The following TBC1D22A variants were observed in gnomAD, a reference collection of about 807,000 sequenced individuals.
TBC1D22A encodes the protein TBC1 domain family member 22A.
In TBC1D22A, 38 loss-of-function variants were observed where a neutral mutation model predicts 60.2. The ratio of observed to expected loss-of-function variants is 0.63; its 90% CI spans 0.49 to 0.83. TBC1D22A has a LOEUF of 0.83. Ranked by LOEUF, TBC1D22A falls within the 40% of genes least tolerant of loss-of-function variation. The pLI is 0.00. For synonymous variants in TBC1D22A, 302 were observed against 281.7 expected, an observed-to-expected ratio of 1.07 and a Z score of -0.72; for missense variants, 628 against 701.0, an observed-to-expected ratio of 0.90 and a Z score of 1.18.
intron 11 of TBC1D22A, among the ~76,000 whole-genome samples, chr22:47,040,315 G>A (rs953195093): frequency 6.6e-6 from 1 of 152,076 alleles, no homozygotes; most frequent in Admixed American, 6.5e-5. Flanking sequence ...CGTGGAGAAG[G>A]GTGGTGGTAA....
intron 7 of TBC1D22A, among the ~76,000 whole-genome samples, chr22:46,898,311 A>G (rs1269773590): frequency 3.3e-5 from 5 of 152,118 alleles, no homozygotes; most frequent in South Asian, 2.1e-4. Context: ...TCCCCTGTCA[A>G]TTGAGAAAAA....
At chr22:46,909,355 G>GC (rs1024883591) in intron 7 of TBC1D22A, among the ~76,000 whole-genome samples, 4 of 152,116 alleles carry the variant, frequency 2.6e-5, no homozygotes, top group South Asian at 2.1e-4. Flanking sequence ...CAGTGCGACT[G>GC]CCCCCTGCTC....
chr22:47,114,906 T>G (rs903131328), intron 12 of TBC1D22A, among the ~76,000 whole-genome samples: 5 of 151,956 alleles, frequency 3.3e-5, no homozygotes, highest in African/African-American at 1.2e-4. Flanking sequence ...GCGGGGAAGG[T>G]GAGGGCGCTG....
chr22:46,949,115 A>G (rs186487972), intron 8 of TBC1D22A, among the ~76,000 whole-genome samples: 27 of 152,302 alleles, frequency 1.8e-4, no homozygotes, highest in Non-Finnish European at 4.4e-5. Flanking sequence ...TGGGCTCCTA[A>G]AAGAGTCTTT....
chr22:46,977,645 A>G (rs2074354306), intron 9 of TBC1D22A, among the ~76,000 whole-genome samples: 1 of 152,136 alleles, frequency 6.6e-6, no homozygotes, highest in South Asian at 2.1e-4. Flanking sequence ...ATTTATAGAG[A>G]AAGAGGTTTA....
intron 8 of TBC1D22A, among the ~76,000 whole-genome samples, chr22:46,939,338 C>T (rs890375227): frequency 6.6e-6 from 1 of 152,162 alleles, no homozygotes; most frequent in Non-Finnish European, 1.5e-5. Context: ...CAAGCATCAA[C>T]GAGTGAATAG....
rs370693009 is a variant in TBC1D22A, at chr22:47,003,654, C to T, written c.1201+5945C>T. 2.4e-4 allele frequency among the ~76,000 whole-genome samples: 31 copies of T among 130,040 alleles called. No homozygotes were observed. The South Asian group carries it at 8.1e-3, about 34-fold the overall frequency. The allele number at this position is 130,040 out of a possible 152,430, so 85.3% of individuals were successfully genotyped here. ...ATATACACACACCTACAGATGCACC[C>T]CTGTATACACACACACCCCTACACA... On this transcript the variant is annotated intron_variant, in intron 10 of 12. Coordinates refer to ENST00000337137, the MANE Select transcript of TBC1D22A (RefSeq NM_014346.5).
At position 46,838,140 on chromosome 22, in the gene TBC1D22A, T is replaced by G. The variant is rs536080320; in HGVS notation, c.638-40513T>G. Among the ~76,000 whole-genome samples the G allele has an allele frequency of 2.0e-4, 31 of 152,282 alleles. No homozygotes were observed. In the East Asian group the frequency reaches 6.0e-3, roughly 29 times the overall value. ...AAAGAAGAACAAACGAAGTTCAAAG[T>G]TAGCAGGAGACAGAAAACAGTAAAG... On this transcript the variant is annotated intron_variant, in intron 4 of 12. Transcript: ENST00000337137.
intron 11 of TBC1D22A, among the ~76,000 whole-genome samples, chr22:47,066,244 C>T (rs1264209470): frequency 6.6e-6 from 1 of 152,204 alleles, no homozygotes; most frequent in Non-Finnish European, 1.5e-5. Context: ...AAAATTCACA[C>T]AAACAATGGC....
chr22:46,908,300 G>A (rs763407182), intron 7 of TBC1D22A, among the ~76,000 whole-genome samples: 30 of 152,160 alleles, frequency 2.0e-4, no homozygotes, highest in Non-Finnish European at 4.3e-4. Flanking sequence ...GATGGCGTGT[G>A]GGGTCCGCAG....
intron 11 of TBC1D22A, among the ~76,000 whole-genome samples, chr22:47,078,799 C>T (rs1308486276): frequency 6.6e-6 from 1 of 152,206 alleles, no homozygotes; most frequent in Non-Finnish European, 1.5e-5. Context: ...GCTTTCCTTA[C>T]ATTCATCTAA....
chr22:46,848,461 C>G (rs2087119959), intron 4 of TBC1D22A, among the ~76,000 whole-genome samples: 1 of 152,132 alleles, frequency 6.6e-6, no homozygotes, highest in Non-Finnish European at 1.5e-5. Flanking sequence ...TAAGTGATGC[C>G]TCATCGAGGC....
At chr22:47,076,359 G>GTATATATATA (rs1375339824) in intron 11 of TBC1D22A, among the ~76,000 whole-genome samples, 7 of 85,166 alleles carry the variant, frequency 8.2e-5, no homozygotes, top group Admixed American at 7.3e-4. Context: ...ATATATGTGT[G>GTATATATATA]TGTATATATA....
At chr22:46,830,059 G>T (rs1460970803) in intron 4 of TBC1D22A, among the ~76,000 whole-genome samples, 1 of 152,248 alleles carries the variant, frequency 6.6e-6, no homozygotes, top group Admixed American at 6.5e-5. Flanking sequence ...AGAGCCCTGG[G>T]TGGGGAAAGG....
At chr22:47,043,350 G>A (rs969519822) in intron 11 of TBC1D22A, among the ~76,000 whole-genome samples, 5 of 152,174 alleles carry the variant, frequency 3.3e-5, no homozygotes, top group Admixed American at 6.5e-5. Flanking sequence ...CCGGGGCGAC[G>A]GGCACGAGGT....
chr22:47,044,005 A>AGGTGCTGGGGAGGAGCCGGTCTGAGCG (rs1478609928), intron 11 of TBC1D22A, among the ~76,000 whole-genome samples: 1 of 152,066 alleles, frequency 6.6e-6, no homozygotes, highest in African/African-American at 2.4e-5. Context: ...TGAGCAGGGC[A>AGGTGCTGGGGAGGAGCCGGTCTGAGCG]GGGCTCCGCC....
intron 3 of TBC1D22A, among the ~76,000 whole-genome samples, 175 bp from the exon 4 acceptor site, chr22:46,797,269 G>A (rs892461456): frequency 6.6e-6 from 1 of 152,228 alleles, no homozygotes; most frequent in Non-Finnish European, 1.5e-5. Flanking sequence ...AGTGAAGCGA[G>A]TGAATTTCAA....
At chr22:47,168,130 C>T (rs946276188) in intron 12 of TBC1D22A, among the ~76,000 whole-genome samples, 8 of 152,252 alleles carry the variant, frequency 5.3e-5, no homozygotes, top group African/African-American at 1.9e-4. Flanking sequence ...GCGACGTTCA[C>T]TGCCCAGCAA....
chr22:46,999,821 C>G (rs993426725), intron 10 of TBC1D22A, among the ~76,000 whole-genome samples: 1 of 151,998 alleles, frequency 6.6e-6, no homozygotes, highest in African/African-American at 2.4e-5. Context: ...GTCAGGAGAT[C>G]GAGACCATCC....
Sources: allele counts gnomAD v4.1 joint callset (sites outside exome capture counted in the v4.1 genomes callset), GRCh38; gene constraint gnomAD v4.1.1; transcripts MANE v1.5; gene names NCBI Gene and HGNC (gene_info 2026-07-23, HGNC 2026-07-21).